The following GMCL1 variants were observed in gnomAD, a reference collection of about 807,000 sequenced individuals.
The protein encoded by GMCL1 is germ cell-less 1, spermatogenesis associated, also known as germ cell-less protein-like 1.
A neutral mutation model predicts 75.5 loss-of-function variants in GMCL1; 54 were observed. The observed-to-expected ratio is 0.71, with a 90% CI of 0.57 to 0.90. GMCL1 has a LOEUF of 0.90. Among genes scored for constraint, GMCL1 ranks in the 40% least tolerant of loss-of-function variants. GMCL1 has a pLI of 0.00. For missense variants in GMCL1, 537 were observed against 622.7 expected (o/e 0.86, Z 1.47); for synonymous variants, 210 against 209.6 (o/e 1.00, Z -0.02).
intron 8 of GMCL1, among the ~76,000 whole-genome samples, chr2:69,853,979 A>G (rs1366473652): frequency 6.6e-6 from 1 of 151,466 alleles, no homozygotes. Context: ...TTTTTTTTGT[A>G]TTTTTAGTAG....
At chr2:69,876,514 G>T (rs557806630) in intron 13 of GMCL1, among the ~76,000 whole-genome samples, 1 of 152,300 alleles carries the variant, frequency 6.6e-6, no homozygotes, top group African/African-American at 2.4e-5. Flanking sequence ...TGATAGGCTG[G>T]TGAATAATGG....
intron 2 of GMCL1, among the ~76,000 whole-genome samples, chr2:69,838,336 C>CAAAAAAAAAAAAAAAAA (rs71397366): frequency 1.6e-4 from 5 of 31,522 alleles, no homozygotes; most frequent in African/African-American, 2.1e-4. Context: ...GACTCTGTCT[C>CAAAAAAAAAAAAAAAAA]AAAAAAAAAA....
chr2:69,873,873 A>G (rs1310779662), intron 13 of GMCL1: 1 of 167,334 alleles, frequency 6.0e-6, no homozygotes, highest in Non-Finnish European at 1.5e-5. Context: ...AGTAGAAGAA[A>G]GGCTTGGTCC....
In GMCL1 at chr2:69,829,951, C is replaced by G; in HGVS notation, c.59C>G (p.Ala20Gly). ...CCAAGACCAGCCCTTGCCCAGCAGG[C>G]GCAGGGTGCCAGGGCGGGGGGCTCG... ...RQPRPALAQQ[A>G]QGARAGGSAR... Residue 20 changes from alanine (A) to glycine (G), a missense_variant, in exon 1 of 14, where the codon GCG becomes GGG. Ala to Gly is a moderately conservative substitution (Grantham distance 60, BLOSUM62 0). Transcript: ENST00000282570. 1 of 1,597,244 alleles carries G rather than the reference C, an allele frequency of 6.3e-7. No individual in the cohort carries two copies. Among genetic ancestry groups the G allele is most frequent in the Non-Finnish European group, 8.5e-7 (1 of 1,172,010 alleles).
Position 69,854,951 on chromosome 2 carries a change from G to A in GMCL1, c.1063G>A (p.Val355Ile). ...SARIIEQDAV[V>I]PSEWLSSVYK... ...AAGAATTATTGAACAAGATGCTGTA[G>A]TACCTTCAGGTAAGAGAACATAATT... The change falls in exon 9 of 14, where the codon GTA becomes ATA. Residue 355 changes from valine to isoleucine, a missense_variant. By Grantham distance (29) the Val-to-Ile change is conservative. Coordinates refer to ENST00000282570, the MANE Select transcript of GMCL1 (RefSeq NM_178439.5). 6.3e-7 allele frequency: 1 copy of A among 1,598,344 alleles called. No homozygotes were observed. Among genetic ancestry groups the A allele is most frequent in the Non-Finnish European group, 8.5e-7 (1 of 1,171,436 alleles).
chr2:69,857,714 G>T (rs1675518889), intron 9 of GMCL1, among the ~76,000 whole-genome samples: 2 of 152,018 alleles, frequency 1.3e-5, no homozygotes, highest in Admixed American at 1.3e-4. Flanking sequence ...GTCCATGTAG[G>T]AATTTTTACT....
chr2:69,844,261 T>C (rs75706731), intron 6 of GMCL1, 65 bp downstream of exon 6: 773 of 926,820 alleles, frequency 8.3e-4, no homozygotes, highest in Non-Finnish European at 1.1e-3. Context: ...TTTGTTAAAG[T>C]ACATAACATT....
chr2:69,869,921 A>G, intron 12 of GMCL1, 57 bp downstream of exon 12: 1 of 1,547,398 alleles, frequency 6.5e-7, no homozygotes, highest in Non-Finnish European at 8.8e-7. Flanking sequence ...TATAAGAAAT[A>G]AAACCTTGAT....
chr2:69,864,199 AT>A (rs1312647828), intron 10 of GMCL1, among the ~76,000 whole-genome samples: 8 of 151,874 alleles, frequency 5.3e-5, no homozygotes, highest in Non-Finnish European at 1.0e-4. Flanking sequence ...TATTTATTGT[AT>A]TTGTTTCATT....
rs2104091980 is a variant in GMCL1, at chr2:69,881,297, A to C, written c.*2293A>C. Reference sequence around the variant, plus strand: ...AAGATGTGCTTTTGTTTTCTTACCAAATATTTTTATGTGTTTCCAGAGTTC... The same window carrying C: ...AAGATGTGCTTTTGTTTTCTTACCACATATTTTTATGTGTTTCCAGAGTTC... On this transcript the variant is annotated 3_prime_UTR_variant, in exon 14 of 14. Transcript: ENST00000282570. 1 of 152,310 alleles carries C rather than the reference A, an allele frequency of 6.6e-6. No homozygotes were observed. The highest frequency in any genetic ancestry group is 1.9e-4 in the East Asian group (1 of 5,188). The allele number at this position is 152,310 out of a possible 1,614,324, so 9.4% of individuals were successfully genotyped here. A position where few individuals can be genotyped will look rare whatever the true frequency, so the allele number is the denominator to read the frequency against.
intron 11 of GMCL1, among the ~76,000 whole-genome samples, chr2:69,866,419 C>T (rs1043387030): frequency 3.3e-5 from 5 of 151,922 alleles, no homozygotes; most frequent in African/African-American, 1.2e-4. Flanking sequence ...CAAACTTTTC[C>T]TCATTTTGAC....
intron 2 of GMCL1, among the ~76,000 whole-genome samples, chr2:69,838,876 A>C (rs1039128501): frequency 6.6e-6 from 1 of 152,224 alleles, no homozygotes; most frequent in Non-Finnish European, 1.5e-5. Flanking sequence ...CTATATTCAC[A>C]GTGCCTTCTA....
rs779532424 is a variant in GMCL1 at position 69,861,360 on chromosome 2, T to A, written c.1142+13T>A. On this transcript the variant is annotated intron_variant, in intron 10 of 13. Coordinates refer to ENST00000282570, the MANE Select transcript of GMCL1 (RefSeq NM_178439.5). ...ACAGTGAGGTGGGGTAAGTATATTA[T>A]ACCTTATCATTTTTCATTAAAAAAA... 6.5e-7 allele frequency: 1 copy of A among 1,530,746 alleles called. No individual in the cohort carries two copies. The highest frequency in any genetic ancestry group is 8.9e-7 in the Non-Finnish European group (1 of 1,128,124). The allele number at this position is 1,530,746 out of a possible 1,614,324, so 94.8% of individuals were successfully genotyped here.
intron 1 of GMCL1, among the ~76,000 whole-genome samples, chr2:69,836,148 C>G (rs1674811528): frequency 6.6e-6 from 1 of 152,168 alleles, no homozygotes. Context: ...CTTCTTTTCT[C>G]CCAAGGGTTC....
chr2:69,864,217 T>C (rs561148385), intron 10 of GMCL1, among the ~76,000 whole-genome samples: 11 of 152,212 alleles, frequency 7.2e-5, no homozygotes, highest in Admixed American at 5.2e-4. Context: ...CATTATTTTA[T>C]TATGTATTAT....
intron 13 of GMCL1, chr2:69,873,691 C>T: frequency 6.0e-6 from 1 of 166,210 alleles, no homozygotes. Flanking sequence ...CATAGAGCTC[C>T]TCCACAGCCT....
At chr2:69,840,894 T>C (rs1022296405) in intron 3 of GMCL1, 48 bp from the exon 4 acceptor site, 7 of 1,282,990 alleles carry the variant, frequency 5.5e-6, no homozygotes, top group Admixed American at 3.5e-5. Flanking sequence ...ATAACACTTG[T>C]AATAGATATA....
intron 13 of GMCL1, among the ~76,000 whole-genome samples, chr2:69,875,992 T>G (rs924206800): frequency 7.2e-5 from 11 of 152,176 alleles, no homozygotes; most frequent in Non-Finnish European, 1.3e-4. Flanking sequence ...ACCCAGCCAG[T>G]ATTTTACATT....
intron 8 of GMCL1, among the ~76,000 whole-genome samples, chr2:69,850,314 G>A (rs1233337646): frequency 2.6e-5 from 4 of 152,044 alleles, no homozygotes; most frequent in Non-Finnish European, 5.9e-5. Context: ...GTGCAAAGGA[G>A]GGCATGCAAT....
Sources: gnomAD v4.1 joint callset for allele counts (sites outside exome capture counted in the v4.1 genomes callset) on GRCh38, gnomAD v4.1.1 for gene constraint, MANE v1.5 for transcripts, NCBI Gene and HGNC (gene_info 2026-07-23, HGNC 2026-07-21) for gene names.